MYO5A: variants seen among roughly 807,000 people sequenced by gnomAD.
MYO5A encodes the protein unconventional myosin-Va.
Under a neutral mutation model 249.7 loss-of-function variants are expected in MYO5A, and 98 were observed. The observed-to-expected ratio is 0.39, with a 90% CI of 0.33 to 0.46. The LOEUF is 0.46. Among genes scored for constraint, MYO5A ranks in the 20% least tolerant of loss-of-function variants. The probability of loss-of-function intolerance (pLI) is 0.98; values close to 1 mark genes in which losing one functional copy is unlikely to be tolerated. For missense variants in MYO5A, 1,696 were observed against 2,308.8 expected, an observed-to-expected ratio of 0.73 and a Z score of 5.44; for synonymous variants, 778 against 810.6, an observed-to-expected ratio of 0.96 and a Z score of 0.68.
intron 4 of MYO5A, among the ~76,000 whole-genome samples, chr15:52,420,174 A>G (rs1053858423): frequency 2.9e-4 from 44 of 152,020 alleles, no homozygotes; most frequent in African/African-American, 1.1e-3. Flanking sequence ...GCATCACTGC[A>G]TATGCCTGTA....
At chr15:52,458,490 T>G (rs956078387) in intron 1 of MYO5A, among the ~76,000 whole-genome samples, 1 of 151,846 alleles carries the variant, frequency 6.6e-6, no homozygotes, top group Non-Finnish European at 1.5e-5. Context: ...CGTGGTGGCA[T>G]GCACCTGTAG....
intron 28 of MYO5A, among the ~76,000 whole-genome samples, chr15:52,350,281 A>G (rs1041103630): frequency 6.6e-6 from 1 of 152,188 alleles, no homozygotes; most frequent in African/African-American, 2.4e-5. Flanking sequence ...TAACTCCACT[A>G]TTACAGGAAT....
At chr15:52,384,984 A>G (rs543841701) in intron 14 of MYO5A, among the ~76,000 whole-genome samples, 1 of 152,364 alleles carries the variant, frequency 6.6e-6, no homozygotes, top group East Asian at 1.9e-4. Context: ...GGGATTTATA[A>G]CTTCAACAAA....
chr15:52,441,217 T>A (rs2075778553), intron 1 of MYO5A, among the ~76,000 whole-genome samples: 1 of 152,132 alleles, frequency 6.6e-6, no homozygotes, highest in Admixed American at 6.5e-5. Flanking sequence ...AAACAAAAAT[T>A]ATTAAAGAAA....
chr15:52,337,944 C>T (rs937655473), intron 32 of MYO5A, 60 bp from the exon 33 acceptor site: 34 of 1,134,552 alleles, frequency 3.0e-5, no homozygotes, highest in Admixed American at 5.1e-5. Context: ...GAAATGCTAT[C>T]TTTCAGCAAA....
At chr15:52,480,033 G>A (rs2076683368) in intron 1 of MYO5A, among the ~76,000 whole-genome samples, 1 of 152,196 alleles carries the variant, frequency 6.6e-6, no homozygotes, top group Admixed American at 6.5e-5. Flanking sequence ...ACTGATCTAA[G>A]CAATGCTGTC....
rs59277991 is a variant in MYO5A, at chr15:52,384,735, T to C, written c.1753-413A>G. Among the ~76,000 whole-genome samples the C allele has an allele frequency of 3.7e-3, 556 of 152,310 alleles. 3 individuals are homozygous for C. The highest frequency in any genetic ancestry group is 0.013 in the African/African-American group (540 of 41,572). ...GTGGAGAAAAACACTAGTCCAAGTT[T>C]GCAAGTTATTTATCAAGTGTCTACT... is the stretch of plus-strand genomic sequence containing the variant. On this transcript the variant is annotated intron_variant, in intron 14 of 41. Coordinates refer to ENST00000399233, the MANE Select transcript of MYO5A (RefSeq NM_001382347.1).
At position 52,364,594 on chromosome 15, in the gene MYO5A, T is replaced by C. The variant is rs773740638; in HGVS notation, c.3269A>G (p.Glu1090Gly). Residue 1090 changes from glutamate to glycine, a missense_variant, in exon 24 of 42, where the codon GAA (glutamate) becomes GGA (glycine). By Grantham distance (98) the Glu-to-Gly change is moderately conservative (BLOSUM62 -2). Coordinates refer to ENST00000399233, the MANE Select transcript of MYO5A (RefSeq NM_001382347.1). ...NLLNEFSRLE[E>G]RYDDLKEEMT... Reference sequence around the variant, plus strand: ...CTCTTCCTTGAGGTCATCATATCTTTCTTCCAGGCGACTGAACTCATTCAG... The same window carrying C: ...CTCTTCCTTGAGGTCATCATATCTTCCTTCCAGGCGACTGAACTCATTCAG... 1.2e-6 allele frequency: 2 copies of C among 1,614,042 alleles called. No homozygotes were observed. The highest frequency in any genetic ancestry group is 1.7e-6 in the Non-Finnish European group (2 of 1,179,984).
intron 1 of MYO5A, among the ~76,000 whole-genome samples, chr15:52,459,869 A>AG (rs1211459481): frequency 1.3e-5 from 2 of 149,128 alleles, no homozygotes; most frequent in African/African-American, 5.0e-5. Flanking sequence ...GGCCAGGCAG[A>AG]GGGGTTCCCC....
chr15:52,428,525 G>T lies in MYO5A; in HGVS notation c.183C>A (p.His61Gln). 1 of 1,614,214 alleles carries T rather than the reference G, an allele frequency of 6.2e-7. No individual in the cohort carries two copies. The highest frequency in any genetic ancestry group is 8.5e-7 in the Non-Finnish European group (1 of 1,180,012). ...CAACAAGTATGTCAGGATTTCGTAA[G>T]TGAGGCAGCTCCTTGGTCTTTGGAT... Reference protein sequence around the residue: ...HLDPKTKELPHLRNPDILVGE... With the variant: ...HLDPKTKELPQLRNPDILVGE... Residue 61 changes from histidine (H) to glutamine (Q), a missense_variant, in exon 3 of 42, where the codon CAC becomes CAA. His to Gln is a conservative substitution (Grantham distance 24, BLOSUM62 0). Transcript: ENST00000399233.
chr15:52,450,716 T>C (rs1030021117), intron 1 of MYO5A, among the ~76,000 whole-genome samples: 1 of 151,508 alleles, frequency 6.6e-6, no homozygotes, highest in African/African-American at 2.4e-5. Flanking sequence ...TCACCCAGGC[T>C]GGTCGTGAAC....
intron 1 of MYO5A, among the ~76,000 whole-genome samples, chr15:52,519,332 G>A (rs976943142): frequency 3.9e-5 from 6 of 152,172 alleles, no homozygotes; most frequent in Non-Finnish European, 7.3e-5. Context: ...CTGAATAATG[G>A]CCGGGCATGG....
chr15:52,449,836 C>T (rs1724588), intron 1 of MYO5A, among the ~76,000 whole-genome samples: 113,664 of 152,010 alleles, frequency 0.75, 43,815 homozygotes, highest in Non-Finnish European at 0.83. Flanking sequence ...CTCACCTCTA[C>T]AAAAAATGAA....
intron 4 of MYO5A, among the ~76,000 whole-genome samples, chr15:52,423,464 A>G (rs573000311): frequency 2.0e-5 from 3 of 152,146 alleles, no homozygotes; most frequent in Admixed American, 1.3e-4. Context: ...AGGCAGGAGA[A>G]TGGCGTGAAC....
chr15:52,338,492 G>T (rs2039228673), intron 32 of MYO5A, among the ~76,000 whole-genome samples: 1 of 152,146 alleles, frequency 6.6e-6, no homozygotes, highest in African/African-American at 2.4e-5. Context: ...GTCTCCTGCT[G>T]GGCTTTAATA....
intron 9 of MYO5A, among the ~76,000 whole-genome samples, chr15:52,403,933 T>C (rs1297412977): frequency 1.3e-5 from 2 of 152,190 alleles, no homozygotes; most frequent in African/African-American, 4.8e-5. Context: ...CCAAACTGTC[T>C]GCCCATCTAG....
chr15:52,323,583 G>T, intron 36 of MYO5A, 139 bp from the exon 37 acceptor site: 1 of 660,074 alleles, frequency 1.5e-6, no homozygotes. Flanking sequence ...TTACAGTTGT[G>T]AAGTCTTATG....
chr15:52,358,746 C>T (rs1191181009), intron 25 of MYO5A, among the ~76,000 whole-genome samples: 3 of 151,918 alleles, frequency 2.0e-5, no homozygotes, highest in South Asian at 2.1e-4. Context: ...AAGAACTCCC[C>T]AGTCAAATCC....
rs148882773 is a variant in MYO5A, at chr15:52,402,883, C to A, written c.1053+2404G>T. On this transcript the variant is annotated intron_variant, in intron 9 of 41. Transcript: ENST00000399233. Reference sequence around the variant, plus strand: ...CAAAAAAACAAAAAACAAAACAAAACAAAACAAAAACTAACTTAATCTCCA... The same window carrying A: ...CAAAAAAACAAAAAACAAAACAAAAAAAAACAAAAACTAACTTAATCTCCA... Among the ~76,000 whole-genome samples the A allele has an allele frequency of 2.5e-3, 375 of 151,948 alleles. 2 individuals carry two copies. The highest frequency in any genetic ancestry group is 8.7e-3 in the African/African-American group (362 of 41,464).
Sources: allele counts gnomAD v4.1 joint callset (sites outside exome capture counted in the v4.1 genomes callset), GRCh38; gene constraint gnomAD v4.1.1; transcripts MANE v1.5; gene names NCBI Gene and HGNC (gene_info 2026-07-23, HGNC 2026-07-21).